Variants in ESR1 observed in about 807,000 individuals in gnomAD.
ESR1 encodes the protein estrogen receptor.
In ESR1, 12 loss-of-function variants were observed where a neutral mutation model predicts 52.7. The observed-to-expected ratio is 0.23, with a 90% CI of 0.15 to 0.37. The LOEUF is 0.37. Among genes scored for constraint, ESR1 ranks in the 10% least tolerant of loss-of-function variants. ESR1 has a pLI of 1.00. For synonymous variants in ESR1, 305 were observed against 316.8 expected (o/e 0.96, Z 0.39); for missense variants, 584 against 779.7 (o/e 0.75, Z 2.99).
Position 151,693,626 on chromosome 6 carries a change from AT to A in ESR1, c.-202+2971del, listed in dbSNP as rs967090034. 2.2e-3 allele frequency among the ~76,000 whole-genome samples: 335 copies of A among 151,574 alleles called. 1 individual carries two copies. Among genetic ancestry groups the A allele is most frequent in the African/African-American group, 7.5e-3 (309 of 41,374 alleles). ...CATACACACATAGAGCTCTATGCTG[AT>A]TTTTTTTTGAGATGGAGTCTCGCTC... is the stretch of plus-strand genomic sequence containing the variant. On this transcript the variant is annotated intron_variant, in intron 1 of 2. Coordinates refer to the ESR1 transcript ENST00000404742.
intron 5 of ESR1, among the ~76,000 whole-genome samples, chr6:152,052,035 T>C (rs1342359645): frequency 6.6e-6 from 1 of 152,162 alleles, no homozygotes; most frequent in East Asian, 1.9e-4. Flanking sequence ...CTGAGGGTTT[T>C]GCAAACTGTA....
intron 1 of ESR1, among the ~76,000 whole-genome samples, chr6:151,834,573 T>G (rs1562456571): frequency 1.3e-5 from 2 of 151,966 alleles, no homozygotes; most frequent in Admixed American, 6.6e-5. Context: ...AAGGGAGTGA[T>G]AGCATTAGGA....
chr6:151,902,869 A>G (rs560843941), intron 3 of ESR1, among the ~76,000 whole-genome samples: 2 of 152,346 alleles, frequency 1.3e-5, no homozygotes, highest in Non-Finnish European at 2.9e-5. Context: ...TACTGTCATC[A>G]TTATAAGGAA....
intron 3 of ESR1, among the ~76,000 whole-genome samples, chr6:151,911,975 A>G (rs1014701755): frequency 6.6e-6 from 1 of 152,204 alleles, no homozygotes; most frequent in Non-Finnish European, 1.5e-5. Context: ...GGCCATTTAG[A>G]TGTAAATGAA....
At chr6:151,683,415 C>T (rs994667088) in intron 1 of ESR1, among the ~76,000 whole-genome samples, 1 of 148,266 alleles carries the variant, frequency 6.7e-6, no homozygotes, top group African/African-American at 2.5e-5. Flanking sequence ...TGGAGAGGAA[C>T]AGGACTTCCT....
At chr6:152,016,295 A>G (rs1356921743) in intron 5 of ESR1, among the ~76,000 whole-genome samples, 2 of 152,248 alleles carry the variant, frequency 1.3e-5, no homozygotes, top group East Asian at 3.9e-4. Context: ...GAACAAACTA[A>G]TACATTAGGT....
chr6:151,830,220 C>T (rs1782176391), intron 1 of ESR1, among the ~76,000 whole-genome samples: 1 of 152,156 alleles, frequency 6.6e-6, no homozygotes, highest in Admixed American at 6.5e-5. Flanking sequence ...CTTGAGGTGT[C>T]AGCTTTCCAA....
rs1204292163 is a variant in ESR1, at chr6:151,840,818, T to C, written c.453-1779T>C. Among the ~76,000 whole-genome samples, 3 of 152,242 alleles carry C rather than the reference T, an allele frequency of 2.0e-5. No individual in the cohort carries two copies. The East Asian group carries it at 5.8e-4, about 29-fold the overall frequency. The stretch of plus-strand genomic sequence containing the variant: ...AGGAACCTTCACTCCATCTATACTT[T>C]CAATGTCTGCCTACCTTTCTTTCTT... On this transcript the variant is annotated intron_variant, in intron 1 of 7. Transcript: ENST00000206249.
chr6:151,851,292 T>G (rs1041298054), intron 2 of ESR1, among the ~76,000 whole-genome samples: 1 of 152,188 alleles, frequency 6.6e-6, no homozygotes, highest in African/African-American at 2.4e-5. Flanking sequence ...CTGAAGATAA[T>G]GCAGAAATTC....
intron 4 of ESR1, among the ~76,000 whole-genome samples, chr6:151,952,875 A>G (rs1374632961): frequency 6.6e-6 from 1 of 152,230 alleles, no homozygotes; most frequent in Non-Finnish European, 1.5e-5. Flanking sequence ...AAAGTCGTAT[A>G]TGTGCAAAAT....
At chr6:151,945,456 G>C (rs2035590653) in intron 4 of ESR1, among the ~76,000 whole-genome samples, 1 of 152,174 alleles carries the variant, frequency 6.6e-6, no homozygotes, top group South Asian at 2.1e-4. Flanking sequence ...CTCAGAACTG[G>C]TGTTCTGGTA....
intron 2 of ESR1, among the ~76,000 whole-genome samples, chr6:151,870,502 CA>C (rs1434873026): frequency 6.6e-6 from 1 of 152,188 alleles, no homozygotes; most frequent in East Asian, 1.9e-4. Flanking sequence ...CCAACCCTAC[CA>C]TGGCACTCCT....
At chr6:151,755,176 T>C (rs1279660422) in intron 2 of ESR1, among the ~76,000 whole-genome samples, 2 of 149,928 alleles carry the variant, frequency 1.3e-5, no homozygotes, top group Non-Finnish European at 3.0e-5. Flanking sequence ...CACCACTACA[T>C]TCCAGCCTGG....
intron 4 of ESR1, among the ~76,000 whole-genome samples, chr6:151,964,342 T>G (rs748860616): frequency 9.9e-5 from 15 of 152,156 alleles, no homozygotes; most frequent in Non-Finnish European, 1.6e-4. Flanking sequence ...TTTTCTTCTA[T>G]TTCTTTTATC....
intron 6 of ESR1, among the ~76,000 whole-genome samples, chr6:152,108,557 A>C (rs546687575): frequency 1.4e-4 from 21 of 152,338 alleles, no homozygotes; most frequent in African/African-American, 4.6e-4. Context: ...ACCTCTCCAC[A>C]TACCCTGTCC....
chr6:151,869,438 A>G (rs573526490), intron 2 of ESR1, among the ~76,000 whole-genome samples: 1 of 152,198 alleles, frequency 6.6e-6, no homozygotes, highest in East Asian at 1.9e-4. Flanking sequence ...TGCTTATTTG[A>G]TGAGCCCTGA....
exon 7 of ESR1, chr6:152,125,550 G>A: frequency 1.5e-6 from 1 of 648,930 alleles, no homozygotes. Flanking sequence ...ACAAACTTTG[G>A]ATCAAATTTT....
intron 2 of ESR1, among the ~76,000 whole-genome samples, chr6:151,759,421 C>T (rs1351424251): frequency 6.6e-6 from 1 of 151,882 alleles, no homozygotes; most frequent in Non-Finnish European, 1.5e-5. Context: ...TGCTAGATGA[C>T]GAGTTAGTGG....
intron 1 of ESR1, among the ~76,000 whole-genome samples, chr6:151,831,124 T>C (rs578230104): frequency 3.3e-5 from 5 of 151,090 alleles, no homozygotes; most frequent in Admixed American, 3.3e-4. Flanking sequence ...AATAAATAAT[T>C]GTAGACAATT....
Sources: allele counts gnomAD v4.1 joint callset (sites outside exome capture counted in the v4.1 genomes callset), GRCh38; gene constraint gnomAD v4.1.1; transcripts MANE v1.5; gene names NCBI Gene and HGNC (gene_info 2026-07-23, HGNC 2026-07-21).